GABRG3: variants seen among roughly 807,000 people sequenced by gnomAD.
GABRG3 encodes gamma-aminobutyric acid receptor subunit gamma-3.
Under a neutral mutation model 48.8 loss-of-function variants are expected in GABRG3, and 25 were observed. The observed-to-expected ratio is 0.51, with a 90% CI of 0.37 to 0.72. GABRG3 has a LOEUF of 0.72. Among genes scored for constraint, GABRG3 ranks in the 30% least tolerant of loss-of-function variants. GABRG3 has a pLI of 0.00. For synonymous variants in GABRG3, 227 were observed against 217.6 expected (o/e 1.04, Z -0.38); for missense variants, 394 against 577.9 (o/e 0.68, Z 3.26).
chr15:26,996,458 T>G (rs57321803), intron 2 of GABRG3, among the ~76,000 whole-genome samples: 9,768 of 152,092 alleles, frequency 0.064, 356 homozygotes, highest in East Asian at 0.18. Context: ...CTCTCTTGTA[T>G]GTCATAAATT....
At chr15:27,523,122 A>T (rs957148940) in intron 7 of GABRG3, among the ~76,000 whole-genome samples, 4 of 151,902 alleles carry the variant, frequency 2.6e-5, no homozygotes, top group Non-Finnish European at 5.9e-5. Context: ...AGAAATGTTA[A>T]ATTTCTAGAA....
chr15:27,041,444 G>C (rs1896274539), intron 3 of GABRG3, among the ~76,000 whole-genome samples: 1 of 152,088 alleles, frequency 6.6e-6, no homozygotes, highest in Non-Finnish European at 1.5e-5. Context: ...GCCTCTCAAA[G>C]TGCTGGGATT....
chr15:27,297,147 CGT>C (rs1566761818), intron 3 of GABRG3, among the ~76,000 whole-genome samples: 1 of 151,864 alleles, frequency 6.6e-6, no homozygotes, highest in Admixed American at 6.6e-5. Flanking sequence ...AGAAATAAAT[CGT>C]TTTTGTATAG....
intron 9 of GABRG3, chr15:27,530,922 C>T (rs776608285): frequency 1.2e-5 from 4 of 335,618 alleles, no homozygotes; most frequent in African/African-American, 2.2e-5. Flanking sequence ...ATCTTTCAAC[C>T]GGAGGTTGTC....
In GABRG3 at chr15:27,532,730, T is replaced by G; in HGVS notation, c.1253T>G (p.Phe418Cys). ...CLDGKDCQSFFCCYEECKSGS... is the reference protein window; with the variant it reads ...CLDGKDCQSFCCCYEECKSGS... ...GATGGCAAAGACTGTCAGAGCTTCT[T>G]CTGCTGCTATGAAGAATGTAAATCA... The change falls in exon 10 of 10, where the codon TTC becomes TGC. Residue 418 changes from phenylalanine to cysteine, a missense_variant. Phe to Cys is a radical substitution (Grantham distance 205). This residue lies in a region of GABRG3 where 126 missense variants were observed against 155.5 expected (regional missense o/e 0.81). Coordinates refer to ENST00000615808, the MANE Select transcript of GABRG3 (RefSeq NM_033223.5). 2.5e-6 allele frequency: 4 copies of G among 1,614,046 alleles called. No individual in the cohort carries two copies. The highest frequency in any genetic ancestry group is 1.1e-5 in the South Asian group (1 of 91,082).
chr15:27,467,963 G>C (rs1889667228), intron 5 of GABRG3, among the ~76,000 whole-genome samples: 1 of 152,176 alleles, frequency 6.6e-6, no homozygotes, highest in Non-Finnish European at 1.5e-5. Context: ...TTACCATCCA[G>C]CTCCATCCCA....
At chr15:27,175,284 T>C (rs974449148) in intron 3 of GABRG3, among the ~76,000 whole-genome samples, 1 of 152,136 alleles carries the variant, frequency 6.6e-6, no homozygotes, top group African/African-American at 2.4e-5. Context: ...TTAGGGGGTA[T>C]GTGTTTGTGG....
chr15:27,425,078 T>C (rs1184108083), intron 5 of GABRG3, among the ~76,000 whole-genome samples: 1 of 152,168 alleles, frequency 6.6e-6, no homozygotes, highest in East Asian at 1.9e-4. Flanking sequence ...TGATTGGCAG[T>C]ACTCCAGCTG....
rs148367261 is a variant in GABRG3 at position 27,322,063 on chromosome 15, A to T, written c.271-4746A>T. Among the ~76,000 whole-genome samples, 915 of 152,378 alleles carry T rather than the reference A, an allele frequency of 6.0e-3. 8 individuals carry two copies. The highest frequency in any genetic ancestry group is 0.021 in the African/African-American group (881 of 41,586). The stretch of plus-strand genomic sequence containing the variant: ...TTCATAGCATTAAGGAATTATATAG[A>T]ATCTTTATTTTCAGATAGACATTGT... On this transcript the variant is annotated intron_variant, in intron 3 of 9. Transcript: ENST00000615808.
At chr15:27,284,196 G>C (rs189480494) in intron 3 of GABRG3, among the ~76,000 whole-genome samples, 2 of 152,214 alleles carry the variant, frequency 1.3e-5, no homozygotes, top group African/African-American at 4.8e-5. Context: ...AAGCAGTACA[G>C]GTATTCTCTT....
chr15:27,117,987 G>A (rs537477660), intron 3 of GABRG3, among the ~76,000 whole-genome samples: 5 of 152,236 alleles, frequency 3.3e-5, no homozygotes, highest in South Asian at 2.1e-4. Context: ...TCTGGCTCCC[G>A]TACTTAACCA....
At chr15:27,171,642 G>A (rs934796046) in intron 3 of GABRG3, among the ~76,000 whole-genome samples, 1 of 151,492 alleles carries the variant, frequency 6.6e-6, no homozygotes, top group African/African-American at 2.4e-5. Flanking sequence ...TCCTTTTCTT[G>A]CTACCTGACA....
chr15:27,338,161 T>C (rs1894039473), intron 5 of GABRG3, among the ~76,000 whole-genome samples: 1 of 152,178 alleles, frequency 6.6e-6, no homozygotes, highest in Non-Finnish European at 1.5e-5. Context: ...AGGCTGCCCT[T>C]GAGTGGGGCC....
At chr15:27,016,181 C>G (rs912102669) in intron 2 of GABRG3, among the ~76,000 whole-genome samples, 25 of 151,164 alleles carry the variant, frequency 1.7e-4, no homozygotes, top group African/African-American at 6.1e-4. Context: ...TATAGCAGCT[C>G]TAGTCATGAT....
chr15:27,528,703 T>G (rs545968182), intron 9 of GABRG3, among the ~76,000 whole-genome samples: 2 of 105,850 alleles, frequency 1.9e-5, no homozygotes, highest in South Asian at 6.1e-4. Flanking sequence ...CTTTGACTAT[T>G]GACAATATTG....
chr15:27,198,941 A>G (rs1374868998), intron 3 of GABRG3, among the ~76,000 whole-genome samples: 1 of 152,146 alleles, frequency 6.6e-6, no homozygotes, highest in East Asian at 1.9e-4. Context: ...TGGGAGTTGA[A>G]CAATGAGAAC....
At chr15:27,173,430 A>C (rs1887636577) in intron 3 of GABRG3, among the ~76,000 whole-genome samples, 1 of 152,162 alleles carries the variant, frequency 6.6e-6, no homozygotes. Flanking sequence ...GGGTTGATTT[A>C]GTTTTATTGA....
intron 3 of GABRG3, among the ~76,000 whole-genome samples, chr15:27,028,544 C>T (rs1450854772): frequency 6.6e-6 from 1 of 152,094 alleles, no homozygotes; most frequent in Non-Finnish European, 1.5e-5. Context: ...CAGTGGCTCA[C>T]GCCTGTAATC....
chr15:27,520,224 A>G (rs1274758156), intron 7 of GABRG3, 100 bp downstream of exon 7: 5 of 1,182,916 alleles, frequency 4.2e-6, no homozygotes, highest in Non-Finnish European at 4.8e-6. Context: ...AATGTGAATG[A>G]TCTCATTTGA....
Sources: allele counts gnomAD v4.1 joint callset (sites outside exome capture counted in the v4.1 genomes callset), GRCh38; gene constraint gnomAD v4.1.1; regional missense constraint gnomAD v4.1.1; transcripts MANE v1.5; gene names NCBI Gene and HGNC (gene_info 2026-07-23, HGNC 2026-07-21).